Variants in CACNG3 observed in about 807,000 individuals in gnomAD.
CACNG3 encodes the protein voltage-dependent calcium channel gamma-3 subunit.
Under a neutral mutation model 28.5 loss-of-function variants are expected in CACNG3, and 3 were observed. That is an observed-to-expected ratio of 0.11 (90% CI 0.05 to 0.27). The LOEUF (loss-of-function observed/expected upper bound fraction) is 0.27. Ranked by LOEUF, CACNG3 falls within the 10% of genes least tolerant of loss-of-function variation. The pLI is 1.00. For missense variants in CACNG3, 236 were observed against 414.4 expected, an observed-to-expected ratio of 0.57 and a Z score of 3.74; for synonymous variants, 174 against 162.2, an observed-to-expected ratio of 1.07 and a Z score of -0.55.
At chr16:24,311,807 G>T (rs971598110) in intron 1 of CACNG3, among the ~76,000 whole-genome samples, 1 of 152,172 alleles carries the variant, frequency 6.6e-6, no homozygotes, top group East Asian at 1.9e-4. Context: ...CCCATATTGT[G>T]CCACTGCACT....
chr16:24,271,040 G>A (rs1287665750), intron 1 of CACNG3, among the ~76,000 whole-genome samples: 1 of 152,166 alleles, frequency 6.6e-6, no homozygotes, highest in African/African-American at 2.4e-5. Context: ...TGCAGGCCGG[G>A]TCATGTAGAG....
At chr16:24,319,257 G>A (rs1899425474) in intron 1 of CACNG3, among the ~76,000 whole-genome samples, 1 of 152,190 alleles carries the variant, frequency 6.6e-6, no homozygotes, top group Non-Finnish European at 1.5e-5. Flanking sequence ...CGCATATTTA[G>A]GCAGGGAGGT....
chr16:24,345,732 G>A (rs866820489), intron 1 of CACNG3, among the ~76,000 whole-genome samples: 5 of 152,240 alleles, frequency 3.3e-5, no homozygotes, highest in South Asian at 2.1e-4. Context: ...AAATGTGGAC[G>A]GATGTTCAAG....
intron 1 of CACNG3, among the ~76,000 whole-genome samples, chr16:24,293,718 GT>G (rs1238999007): frequency 3.9e-5 from 6 of 152,236 alleles, no homozygotes; most frequent in African/African-American, 1.2e-4. Flanking sequence ...AGATTTGGTT[GT>G]TCTTCTGATC....
At chr16:24,328,152 C>T (rs1218179440) in intron 1 of CACNG3, among the ~76,000 whole-genome samples, 1 of 151,938 alleles carries the variant, frequency 6.6e-6, no homozygotes, top group Non-Finnish European at 1.5e-5. Context: ...GTAATATGTG[C>T]CTGAAAGAGA....
intron 2 of CACNG3, among the ~76,000 whole-genome samples, chr16:24,352,082 A>C (rs1181639932): frequency 6.6e-6 from 1 of 151,982 alleles, no homozygotes; most frequent in Admixed American, 6.6e-5. Context: ...CCCCAACTTC[A>C]GGTCTCCCTC....
At chr16:24,305,420 G>T (rs1417263700) in intron 1 of CACNG3, among the ~76,000 whole-genome samples, 3 of 151,488 alleles carry the variant, frequency 2.0e-5, no homozygotes, top group African/African-American at 7.3e-5. Context: ...GTGGAATAGG[G>T]TGATCATAGC....
At chr16:24,277,763 G>C (rs1467175269) in intron 1 of CACNG3, among the ~76,000 whole-genome samples, 1 of 134,846 alleles carries the variant, frequency 7.4e-6, no homozygotes, top group Non-Finnish European at 1.5e-5. Context: ...CTGGGTGACA[G>C]AGCAAGACTC....
At chr16:24,297,391 T>C (rs1899046188) in intron 1 of CACNG3, among the ~76,000 whole-genome samples, 2 of 152,154 alleles carry the variant, frequency 1.3e-5, no homozygotes, top group Admixed American at 6.6e-5. Context: ...GGGATCCTAA[T>C]GGGCAATTGG....
chr16:24,302,433 G>A (rs554139355), intron 1 of CACNG3, among the ~76,000 whole-genome samples: 2 of 152,062 alleles, frequency 1.3e-5, no homozygotes, highest in African/African-American at 4.8e-5. Context: ...CCATCAGGAC[G>A]GGTTCCAGGT....
intron 1 of CACNG3, among the ~76,000 whole-genome samples, chr16:24,314,731 T>TCAC (rs2141366391): frequency 1.1e-5 from 1 of 89,886 alleles, no homozygotes; most frequent in African/African-American, 3.8e-5. Flanking sequence ...CCTAGGACTC[T>TCAC]CGCCTCCTCC....
chr16:24,329,128 C>T (rs959512262), intron 1 of CACNG3, among the ~76,000 whole-genome samples: 12 of 152,322 alleles, frequency 7.9e-5, no homozygotes, highest in East Asian at 1.9e-4. Flanking sequence ...GATGTCCATG[C>T]AAGTTGGAGG....
At chr16:24,331,740 C>T (rs938027092) in intron 1 of CACNG3, among the ~76,000 whole-genome samples, 2 of 152,180 alleles carry the variant, frequency 1.3e-5, no homozygotes, top group Non-Finnish European at 2.9e-5. Context: ...ACTCATTCTG[C>T]TCCAGTTGCC....
chr16:24,325,855 T>G (rs1242157533), intron 1 of CACNG3, among the ~76,000 whole-genome samples: 1 of 152,198 alleles, frequency 6.6e-6, no homozygotes, highest in African/African-American at 2.4e-5. Flanking sequence ...ACTCTCAGTT[T>G]GTGAGGACTC....
intron 1 of CACNG3, among the ~76,000 whole-genome samples, chr16:24,277,044 G>A (rs1898761824): frequency 6.6e-6 from 1 of 152,186 alleles, no homozygotes; most frequent in African/African-American, 2.4e-5. Flanking sequence ...CCAGGGCTTG[G>A]TTCTTGGAAA....
intron 1 of CACNG3, among the ~76,000 whole-genome samples, chr16:24,260,708 T>C (rs1031570606): frequency 3.9e-5 from 6 of 152,180 alleles, no homozygotes; most frequent in African/African-American, 1.4e-4. Flanking sequence ...TCAGCAGGGA[T>C]GCAGGAGACA....
At chr16:24,356,491 C>T (rs1268590428) in intron 3 of CACNG3, among the ~76,000 whole-genome samples, 3 of 151,928 alleles carry the variant, frequency 2.0e-5, no homozygotes, top group Non-Finnish European at 4.4e-5. Context: ...CACTTGAGCA[C>T]AGGTCTTCAA....
At chr16:24,315,592 CTCTT>C (rs952301286) in intron 1 of CACNG3, among the ~76,000 whole-genome samples, 22 of 124,864 alleles carry the variant, frequency 1.8e-4, no homozygotes, top group African/African-American at 5.0e-4. Flanking sequence ...CTTTCTTTAT[CTCTT>C]TCTTTGTCTC....
chr16:24,272,457 A>G (rs1898703419), intron 1 of CACNG3, among the ~76,000 whole-genome samples: 1 of 152,090 alleles, frequency 6.6e-6, no homozygotes, highest in Admixed American at 6.5e-5. Flanking sequence ...AAGTCACTCC[A>G]CAACTTTTTA....
Sources: gnomAD v4.1 joint callset for allele counts (sites outside exome capture counted in the v4.1 genomes callset) on GRCh38, gnomAD v4.1.1 for gene constraint, MANE v1.5 for transcripts, NCBI Gene and HGNC (gene_info 2026-07-23, HGNC 2026-07-21) for gene names.